Variants in SERF2 observed in about 807,000 individuals in gnomAD.
SERF2 encodes the protein small EDRK-rich factor 2, also known as gastric cancer-related protein VRG107.
A neutral mutation model predicts 10.7 loss-of-function variants in SERF2; 4 were observed. The ratio of observed to expected loss-of-function variants is 0.37; its 90% CI spans 0.18 to 0.86. The LOEUF (loss-of-function observed/expected upper bound fraction) is 0.86. Ranked by LOEUF, SERF2 falls within the 40% of genes least tolerant of loss-of-function variation. SERF2 has a pLI of 0.43. For synonymous variants in SERF2, 26 were observed against 26.0 expected, an observed-to-expected ratio of 1.00 and a Z score of 0.01; for missense variants, 47 against 79.1, an observed-to-expected ratio of 0.59 and a Z score of 1.54.
intron 1 of SERF2, among the ~76,000 whole-genome samples, chr15:43,784,508 A>C (rs2086989444): frequency 6.6e-6 from 1 of 151,612 alleles, no homozygotes; most frequent in South Asian, 2.1e-4. Context: ...TCACTCTGTC[A>C]CCCAGGCTGG....
Position 43,795,962 on chromosome 15 carries a change from G to A in SERF2, c.*2189G>A, listed in dbSNP as rs1166202064. ...AAATGGAGCAAATACCTACCTCACA[G>A]GGTTGTTGTGAGGGTTAAATTAAAT... On this transcript the variant is annotated 3_prime_UTR_variant, in exon 3 of 3. Transcript: ENST00000249786. 4.7e-6 allele frequency: 3 copies of A among 642,088 alleles called. No homozygotes were observed. In the African/African-American group the frequency reaches 5.5e-5, roughly 12 times the overall value. 39.8% of individuals were successfully genotyped at this position (642,088 alleles called of 1,614,324 possible).
chr15:43,785,008 C>T (rs2086994654), intron 1 of SERF2, among the ~76,000 whole-genome samples: 1 of 151,118 alleles, frequency 6.6e-6, no homozygotes, highest in East Asian at 1.9e-4. Flanking sequence ...TCACATCAGC[C>T]TCCCAAAGTG....
chr15:43,777,086 G>T, upstream of SERF2: 1 of 1,018,784 alleles, frequency 9.8e-7, no homozygotes, highest in East Asian at 2.6e-5. Flanking sequence ...CGTGGGCGGC[G>T]CTTCGCTCTC....
At chr15:43,780,807 T>G (rs950777962) in intron 1 of SERF2, among the ~76,000 whole-genome samples, 2 of 152,166 alleles carry the variant, frequency 1.3e-5, no homozygotes, top group African/African-American at 4.8e-5. Flanking sequence ...ATTAAGCACT[T>G]AATGATGCAC....
chr15:43,778,106 G>C (rs1596030414), intron 1 of SERF2: 2 of 151,732 alleles, frequency 1.3e-5, no homozygotes, highest in East Asian at 3.9e-4. Context: ...TGGGACTACG[G>C]GCACCCACCA....
chr15:43,777,228 C>G, exon 1 of SERF2: 1 of 520,748 alleles, frequency 1.9e-6, no homozygotes, highest in Non-Finnish European at 3.8e-6. Context: ...ACTCAGAGTC[C>G]CCAGTCCTGC....
intron 1 of SERF2, chr15:43,792,636 T>G: frequency 2.1e-6 from 3 of 1,412,210 alleles, no homozygotes; most frequent in South Asian, 1.5e-5. Context: ...AGCGCCCCTG[T>G]GATAGGCCCA....
At chr15:43,788,843 G>A (rs1445062735), upstream of SERF2, among the ~76,000 whole-genome samples, 1 of 152,086 alleles carries the variant, frequency 6.6e-6, no homozygotes, top group Admixed American at 6.6e-5. Context: ...GTCATCGTAA[G>A]GCTCAAATAA....
upstream of SERF2, among the ~76,000 whole-genome samples, chr15:43,788,734 C>A (rs2087027800): frequency 6.6e-6 from 1 of 152,196 alleles, no homozygotes; most frequent in African/African-American, 2.4e-5. Flanking sequence ...AGACTCTCAG[C>A]TCCACCCCTT....
rs914549493 is a variant in SERF2 at position 43,795,450 on chromosome 15, G to A, written c.*1677G>A. 6.2e-6 allele frequency: 10 copies of A among 1,614,080 alleles called. No individual in the cohort carries two copies. In the Admixed American group the frequency reaches 1.5e-4, roughly 24 times the overall value. ...AGGCAAGGAAGAAGACGAAGTGGAA[G>A]GCAGAATAGTTGTAGGAAAGATGCT... On this transcript the variant is annotated 3_prime_UTR_variant, in exon 3 of 3. Coordinates refer to ENST00000249786, the MANE Select transcript of SERF2 (RefSeq NM_001018108.4).
In SERF2 at chr15:43,795,594, C is replaced by G. The variant is rs2141688768; in HGVS notation, c.*1821C>G. ...CAGAGCTGCTGAAACACCTCTTCCC[C>G]TCTCCCCCAACTACCTTTGTTAAGG... On this transcript the variant is annotated 3_prime_UTR_variant, in exon 3 of 3. Coordinates refer to ENST00000249786, the MANE Select transcript of SERF2 (RefSeq NM_001018108.4). The G allele has an allele frequency of 6.2e-7, 1 of 1,612,418 alleles. No homozygotes were observed. The highest frequency in any genetic ancestry group is 1.1e-5 in the South Asian group (1 of 91,018).
Position 43,795,216 on chromosome 15 carries a change from G to A in SERF2, c.*1443G>A. 1 of 1,613,908 alleles carries A rather than the reference G, an allele frequency of 6.2e-7. No individual in the cohort carries two copies. Among genetic ancestry groups the A allele is most frequent in the Non-Finnish European group, 8.5e-7 (1 of 1,179,816 alleles). On this transcript the variant is annotated 3_prime_UTR_variant, in exon 3 of 3. Transcript: ENST00000249786. ...TTTCCAGTTCTGCTCCCTCATAGCT[G>A]TGTAACCAAAGGCTCTGGTTAGAGA...
chr15:43,786,876 C>A (rs1009346021), intron 2 of SERF2, among the ~76,000 whole-genome samples: 2 of 152,080 alleles, frequency 1.3e-5, no homozygotes, highest in Non-Finnish European at 1.5e-5. Flanking sequence ...ACCACCCTAG[C>A]AATGGAAAAA....
upstream of SERF2, among the ~76,000 whole-genome samples, chr15:43,790,876 G>GT (rs2087051102): frequency 6.6e-6 from 1 of 150,920 alleles, no homozygotes; most frequent in African/African-American, 2.4e-5. Context: ...CGGTTCTCCG[G>GT]CCTCAGCCTC....
chr15:43,779,043 T>A (rs1295047726), intron 1 of SERF2, among the ~76,000 whole-genome samples: 1 of 152,132 alleles, frequency 6.6e-6, no homozygotes, highest in Non-Finnish European at 1.5e-5. Flanking sequence ...TCTCCAAAAT[T>A]TTGATGGTGT....
chr15:43,787,250 C>T (rs554381571), intron 2 of SERF2, among the ~76,000 whole-genome samples: 10 of 152,056 alleles, frequency 6.6e-5, no homozygotes, highest in South Asian at 6.2e-4. Context: ...CAGCCCGCCT[C>T]GGCCTCCCAA....
At chr15:43,792,267 G>A (rs1173319924), upstream of SERF2, 4 of 978,316 alleles carry the variant, frequency 4.1e-6, no homozygotes, top group African/African-American at 6.4e-5. Context: ...GGCGCGAAGG[G>A]GCGGGGAGGA....
intron 1 of SERF2, among the ~76,000 whole-genome samples, chr15:43,784,148 T>G (rs961422028): frequency 6.6e-6 from 1 of 151,918 alleles, no homozygotes; most frequent in African/African-American, 2.4e-5. Context: ...TCTCAAAGTC[T>G]TGGTCTCAAG....
At chr15:43,779,674 TAGAGAC>T (rs1475022859) in intron 1 of SERF2, among the ~76,000 whole-genome samples, 1 of 152,092 alleles carries the variant, frequency 6.6e-6, no homozygotes, top group Non-Finnish European at 1.5e-5. Context: ...AAATTTTTTG[TAGAGAC>T]AGGATCTTGC....
Sources: gnomAD v4.1 joint callset for allele counts (sites outside exome capture counted in the v4.1 genomes callset) on GRCh38, gnomAD v4.1.1 for gene constraint, MANE v1.5 for transcripts, NCBI Gene and HGNC (gene_info 2026-07-23, HGNC 2026-07-21) for gene names.